Variants in KIAA1217 observed in about 807,000 individuals in gnomAD.
KIAA1217 encodes sickle tail protein homolog.
Under a neutral mutation model 163.9 loss-of-function variants are expected in KIAA1217, and 88 were observed. That is an observed-to-expected ratio of 0.54 (90% confidence interval 0.45 to 0.64). KIAA1217 has a LOEUF of 0.64. Ranked by LOEUF, KIAA1217 falls within the 30% of genes least tolerant of loss-of-function variation. The pLI is 0.00. For missense variants in KIAA1217, 2,372 were observed against 2,475.0 expected (o/e 0.96, Z 0.88); for synonymous variants, 903 against 923.1 (o/e 0.98, Z 0.39).
chr10:24,544,606 G>A, intron 19 of KIAA1217, 125 bp downstream of exon 19: 1 of 1,115,414 alleles, frequency 9.0e-7, no homozygotes, highest in Non-Finnish European at 1.2e-6. Flanking sequence ...TTTTTTGTCT[G>A]TTCGCCATGA....
intron 2 of KIAA1217, among the ~76,000 whole-genome samples, chr10:24,260,463 T>G (rs569488201): frequency 8.6e-5 from 13 of 151,664 alleles, no homozygotes; most frequent in African/African-American, 3.1e-4. Flanking sequence ...AAAAGACAAT[T>G]TTGAGGCCAG....
At chr10:24,502,973 A>C (rs1258888057) in intron 9 of KIAA1217, among the ~76,000 whole-genome samples, 1 of 152,134 alleles carries the variant, frequency 6.6e-6, no homozygotes, top group African/African-American at 2.4e-5. Context: ...GCAATAGACC[A>C]AGACTATGTC....
intron 2 of KIAA1217, among the ~76,000 whole-genome samples, chr10:24,125,029 T>C (rs1227876854): frequency 1.3e-5 from 2 of 152,130 alleles, no homozygotes; most frequent in Non-Finnish European, 2.9e-5. Flanking sequence ...ATCCCAGCAC[T>C]TTGGGAGGCT....
At chr10:23,813,508 TTAAAATTTTATAG>T (rs1178672834) in intron 1 of KIAA1217, among the ~76,000 whole-genome samples, 1 of 152,106 alleles carries the variant, frequency 6.6e-6, no homozygotes, top group East Asian at 1.9e-4. Flanking sequence ...TTTTTCTCAC[TTAAAATTTTATAG>T]TAAAATTTTT....
chr10:23,953,251 C>T lies in KIAA1217; in HGVS notation c.-320-53974C>T, dbSNP rs116038269. On this transcript the variant is annotated intron_variant, in intron 1 of 18. Coordinates refer to the KIAA1217 transcript ENST00000376462. ...GCTTATGCTTCATGAAAAAATTAAC[C>T]GTGAAATATCAGTGGTTTAACATAT... Among the ~76,000 whole-genome samples, 757 of 152,214 alleles carry T rather than the reference C, an allele frequency of 5.0e-3. 5 individuals are homozygous for T. The highest frequency in any genetic ancestry group is 0.015 in the African/African-American group (634 of 41,536).
At chr10:24,261,558 T>C (rs1007083987) in intron 2 of KIAA1217, among the ~76,000 whole-genome samples, 1 of 152,170 alleles carries the variant, frequency 6.6e-6, no homozygotes. Flanking sequence ...CTCTGATTTT[T>C]TCATTGTTTA....
intron 2 of KIAA1217, among the ~76,000 whole-genome samples, chr10:24,282,511 G>C (rs2078064181): frequency 6.6e-6 from 1 of 152,152 alleles, no homozygotes; most frequent in African/African-American, 2.4e-5. Flanking sequence ...GTTTATAACA[G>C]TATAGACTCA....
At chr10:24,317,460 A>G (rs1430973024) in intron 2 of KIAA1217, among the ~76,000 whole-genome samples, 1 of 152,066 alleles carries the variant, frequency 6.6e-6, no homozygotes, top group African/African-American at 2.4e-5. Context: ...GGTGAAAGCC[A>G]TTACCCAGAC....
chr10:24,271,823 G>A (rs1306223990), intron 2 of KIAA1217, among the ~76,000 whole-genome samples: 4 of 151,478 alleles, frequency 2.6e-5, no homozygotes, highest in African/African-American at 7.3e-5. Flanking sequence ...CCCCCTGTAC[G>A]CAGCCCATTC....
intron 5 of KIAA1217, among the ~76,000 whole-genome samples, chr10:24,453,963 A>G (rs2061577629): frequency 6.6e-6 from 1 of 152,192 alleles, no homozygotes; most frequent in Non-Finnish European, 1.5e-5. Flanking sequence ...AAGTGGTGAT[A>G]GTATCTTGTT....
intron 1 of KIAA1217, among the ~76,000 whole-genome samples, chr10:23,702,125 A>G (rs1836493809): frequency 6.6e-6 from 1 of 152,188 alleles, no homozygotes; most frequent in South Asian, 2.1e-4. Context: ...TACAGCAGCA[A>G]AAATGGGGCC....
chr10:24,516,763 A>G (rs1388072840), intron 10 of KIAA1217, among the ~76,000 whole-genome samples: 4 of 152,232 alleles, frequency 2.6e-5, no homozygotes, highest in Non-Finnish European at 4.4e-5. Context: ...TGAGGCCTGA[A>G]CCACATAGTA....
In KIAA1217 at chr10:24,354,434, A is replaced by ACAT. The variant is rs1284532116; in HGVS notation, c.355-26435_355-26434insCAT. Reference sequence around the variant, plus strand: ...AGGGGTGGGTGCCTGCAACTCTCAAAGCTGCAGTGGGCATGTTACCATGCT... The same window carrying ACAT: ...AGGGGTGGGTGCCTGCAACTCTCAAACATGCTGCAGTGGGCATGTTACCATGCT... On this transcript the variant is annotated intron_variant, in intron 2 of 20. Coordinates refer to ENST00000376454, the MANE Select transcript of KIAA1217 (RefSeq NM_019590.5). Among the ~76,000 whole-genome samples the ACAT allele has an allele frequency of 5.9e-5, 9 of 152,308 alleles. No individual in the cohort carries two copies. The East Asian group carries it at 1.7e-3, about 29-fold the overall frequency.
intron 3 of KIAA1217, among the ~76,000 whole-genome samples, chr10:24,409,594 T>A (rs745743926): frequency 7.6e-4 from 116 of 152,348 alleles, no homozygotes; most frequent in Middle Eastern, 3.4e-3. Context: ...TGCAGTTTTT[T>A]AAAATTTTTT....
At chr10:24,368,875 A>G in intron 2 of KIAA1217, 2 of 983,152 alleles carry the variant, frequency 2.0e-6, no homozygotes, top group South Asian at 4.7e-5. Context: ...GGCATCTTTT[A>G]TAATTTACCA....
intron 2 of KIAA1217, among the ~76,000 whole-genome samples, chr10:24,048,999 C>A (rs1239051165): frequency 1.4e-5 from 2 of 143,452 alleles, no homozygotes; most frequent in East Asian, 4.0e-4. Flanking sequence ...CCACTGCACT[C>A]CAGCCTGGGC....
intron 1 of KIAA1217, among the ~76,000 whole-genome samples, chr10:23,739,085 C>T (rs1390581537): frequency 6.6e-6 from 1 of 152,134 alleles, no homozygotes; most frequent in Non-Finnish European, 1.5e-5. Context: ...GGAATTAAGT[C>T]ATGTCTTTTG....
intron 5 of KIAA1217, among the ~76,000 whole-genome samples, chr10:24,453,713 CA>C (rs2061558623): frequency 6.6e-6 from 1 of 152,152 alleles, no homozygotes; most frequent in Admixed American, 6.5e-5. Context: ...TGCTTGGAAC[CA>C]GTGATTTTAG....
chr10:24,181,508 T>C (rs1254278633), intron 2 of KIAA1217, among the ~76,000 whole-genome samples: 1 of 152,132 alleles, frequency 6.6e-6, no homozygotes, highest in East Asian at 1.9e-4. Context: ...GGCTGGATTA[T>C]GGGGGGCTTT....
Sources: allele counts gnomAD v4.1 joint callset (sites outside exome capture counted in the v4.1 genomes callset), GRCh38; gene constraint gnomAD v4.1.1; transcripts MANE v1.5; gene names NCBI Gene and HGNC (gene_info 2026-07-23, HGNC 2026-07-21).